DAPP1: variants seen among roughly 807,000 people sequenced by gnomAD.
DAPP1 encodes the protein dual adaptor of phosphotyrosine and 3-phosphoinositides 1.
Under a neutral mutation model 41.5 loss-of-function variants are expected in DAPP1, and 20 were observed. The ratio of observed to expected loss-of-function variants is 0.48; its 90% CI spans 0.34 to 0.70. The LOEUF (loss-of-function observed/expected upper bound fraction) is 0.70. Among genes scored for constraint, DAPP1 ranks in the 30% least tolerant of loss-of-function variants. The pLI, the probability that DAPP1 is intolerant of heterozygous loss-of-function variation, is 0.01. For synonymous variants in DAPP1, 113 were observed against 116.2 expected, an observed-to-expected ratio of 0.97 and a Z score of 0.18; for missense variants, 233 against 333.4, an observed-to-expected ratio of 0.70 and a Z score of 2.35.
chr4:99,862,969 TTGTGTGTC>T (rs746075717), intron 5 of DAPP1, 33 bp from the exon 6 acceptor site: 8 of 1,449,862 alleles, frequency 5.5e-6, no homozygotes, highest in Non-Finnish European at 9.3e-7. Context: ...ATTCAAAACT[TTGTGTGTC>T]TGTGTGTTTG....
rs368994835 is a variant in DAPP1 at position 99,840,969 on chromosome 4, A to G, written c.358+547A>G. ...AGAGAATTAAACCAGAAAAAAATTC[A>G]TGTGTAAAGAAAAAAAACACAAAAA... is the stretch of plus-strand genomic sequence containing the variant. On this transcript the variant is annotated intron_variant, in intron 3 of 8. Coordinates refer to ENST00000512369, the MANE Select transcript of DAPP1 (RefSeq NM_014395.3). Among the ~76,000 whole-genome samples the G allele has an allele frequency of 1.6e-4, 24 of 152,320 alleles. No homozygotes were observed. The South Asian group carries it at 2.5e-3, about 16-fold the overall frequency.
In DAPP1 at chr4:99,869,370, T is replaced by C. The variant is rs1724569435; in HGVS notation, c.*1185T>C. ...CTTCTGTTATCTTTTTTAATACTAT[T>C]TTTGTTTAGATAGAAGTTTCAAAGA... On this transcript the variant is annotated 3_prime_UTR_variant, in exon 9 of 9. Transcript: ENST00000512369. 2 of 152,172 alleles carry C rather than the reference T, an allele frequency of 1.3e-5. No homozygotes were observed. The highest frequency in any genetic ancestry group is 3.8e-4 in the East Asian group (2 of 5,198). The allele number at this position is 152,172 out of a possible 1,614,324, so 9.4% of individuals were successfully genotyped here.
intron 4 of DAPP1, among the ~76,000 whole-genome samples, chr4:99,855,152 C>G (rs1724001754): frequency 6.6e-6 from 1 of 152,234 alleles, no homozygotes; most frequent in African/African-American, 2.4e-5. Flanking sequence ...AAGATCTACT[C>G]TGCAACCAAT....
At chr4:99,833,721 C>A (rs1723200606) in intron 1 of DAPP1, among the ~76,000 whole-genome samples, 1 of 152,226 alleles carries the variant, frequency 6.6e-6, no homozygotes, top group Non-Finnish European at 1.5e-5. Flanking sequence ...TCAGCAACTG[C>A]CTCTGCTGTC....
intron 2 of DAPP1, among the ~76,000 whole-genome samples, chr4:99,839,407 GATAT>G (rs939469517): frequency 2.6e-4 from 39 of 148,096 alleles, no homozygotes; most frequent in South Asian, 1.7e-3. Flanking sequence ...GATATCTATA[GATAT>G]ATATATAGAT....
intron 3 of DAPP1, chr4:99,844,266 C>G (rs1417277358): frequency 1.3e-5 from 2 of 152,118 alleles, no homozygotes; most frequent in African/African-American, 4.8e-5. Context: ...CAGGCTCCTC[C>G]CCACTGCAAA....
At chr4:99,817,700 G>T (rs1014265243) in intron 1 of DAPP1, among the ~76,000 whole-genome samples, 2 of 152,164 alleles carry the variant, frequency 1.3e-5, no homozygotes, top group Non-Finnish European at 2.9e-5. Context: ...ACTCATCCGG[G>T]TATTTAATAA....
chr4:99,843,530 C>T (rs1243067581), intron 3 of DAPP1, among the ~76,000 whole-genome samples: 1 of 152,132 alleles, frequency 6.6e-6, no homozygotes, highest in Non-Finnish European at 1.5e-5. Flanking sequence ...CTTTCCCTTG[C>T]CATAATCTCT....
intron 8 of DAPP1, among the ~76,000 whole-genome samples, chr4:99,866,802 T>A (rs1461464365): frequency 1.3e-5 from 2 of 148,980 alleles, no homozygotes; most frequent in Non-Finnish European, 3.0e-5. Context: ...CAGAGTCTCG[T>A]TCTGTTGCCC....
intron 1 of DAPP1, among the ~76,000 whole-genome samples, chr4:99,827,895 C>T (rs1722996595): frequency 6.6e-6 from 1 of 152,150 alleles, no homozygotes. Flanking sequence ...GAAGAAGGTG[C>T]ATTCTAAATG....
downstream of DAPP1, among the ~76,000 whole-genome samples, chr4:99,870,749 C>T (rs1286112043): frequency 6.6e-6 from 1 of 152,116 alleles, no homozygotes; most frequent in Non-Finnish European, 1.5e-5. Context: ...ACAAAGTATT[C>T]GCAGTTATTC....
chr4:99,870,204 G>A (rs565363063), downstream of DAPP1: 1 of 152,052 alleles, frequency 6.6e-6, no homozygotes, highest in Non-Finnish European at 1.5e-5. Context: ...ATATACAACT[G>A]ATTAATATCA....
At chr4:99,860,094 C>A (rs1724186379) in intron 4 of DAPP1, among the ~76,000 whole-genome samples, 1 of 152,242 alleles carries the variant, frequency 6.6e-6, no homozygotes, top group African/African-American at 2.4e-5. Flanking sequence ...CCAATGGGGG[C>A]TCTTATAAAC....
At chr4:99,859,368 A>G (rs975449294) in intron 4 of DAPP1, among the ~76,000 whole-genome samples, 3 of 152,162 alleles carry the variant, frequency 2.0e-5, no homozygotes, top group African/African-American at 7.2e-5. Flanking sequence ...AGAAATCGAC[A>G]TCTAGGTACT....
chr4:99,859,598 C>G (rs1049030049), intron 4 of DAPP1, among the ~76,000 whole-genome samples: 1 of 152,180 alleles, frequency 6.6e-6, no homozygotes, highest in African/African-American at 2.4e-5. Context: ...TGGATCTTAT[C>G]ATCCTCAGTA....
At chr4:99,853,183 C>T (rs1383734659) in intron 3 of DAPP1, 35 bp from the exon 4 acceptor site, 2 of 1,609,900 alleles carry the variant, frequency 1.2e-6, no homozygotes, top group East Asian at 4.5e-5. Flanking sequence ...CTTCTGGGAA[C>T]ACTGTTCGAT....
intron 3 of DAPP1, among the ~76,000 whole-genome samples, chr4:99,848,088 G>A (rs896427937): frequency 1.3e-5 from 2 of 152,034 alleles, no homozygotes; most frequent in Admixed American, 6.6e-5. Context: ...TGGGATTACA[G>A]GCATGAGCCA....
intron 4 of DAPP1, among the ~76,000 whole-genome samples, chr4:99,858,968 C>T (rs57862852): frequency 0.065 from 9,945 of 151,942 alleles, 416 homozygotes; most frequent in East Asian, 0.24. Context: ...GGTGTGATCA[C>T]GGCTCATGAA....
intron 3 of DAPP1, among the ~76,000 whole-genome samples, chr4:99,843,633 A>T (rs1205507217): frequency 6.6e-6 from 1 of 152,218 alleles, no homozygotes; most frequent in Non-Finnish European, 1.5e-5. Flanking sequence ...TCCAATTCTC[A>T]AAACCTAATA....
Sources: gnomAD v4.1 joint callset for allele counts (sites outside exome capture counted in the v4.1 genomes callset) on GRCh38, gnomAD v4.1.1 for gene constraint, MANE v1.5 for transcripts, NCBI Gene and HGNC (gene_info 2026-07-23, HGNC 2026-07-21) for gene names.